CSMD3: variants seen among roughly 807,000 people sequenced by gnomAD.
CSMD3 encodes CUB and Sushi multiple domains 3.
Under a neutral mutation model 435.2 loss-of-function variants are expected in CSMD3, and 177 were observed. That is an observed-to-expected ratio of 0.41 (90% CI 0.36 to 0.46). The LOEUF is 0.46. Among genes scored for constraint, CSMD3 ranks in the 20% least tolerant of loss-of-function variants. The pLI is 0.34. For missense variants in CSMD3, 4,265 were observed against 4,504.6 expected (o/e 0.95, Z 1.52); for synonymous variants, 1,656 against 1,520.5 (o/e 1.09, Z -2.07).
chr8:112,323,849 T>A (rs2130888237), intron 45 of CSMD3, among the ~76,000 whole-genome samples: 1 of 152,168 alleles, frequency 6.6e-6, no homozygotes, highest in South Asian at 2.1e-4. Context: ...TTTACATGCC[T>A]CTTTCATTAA....
At position 113,431,980 on chromosome 8, in the gene CSMD3, C is replaced by T. The variant is rs141447660; in HGVS notation, c.178+4697G>A. ...TCATGAAGGGTAATAACTACTGGAA[C>T]GAAGCCTTTGCTCCTGGAGTACTTA... is the stretch of plus-strand genomic sequence containing the variant. On this transcript the variant is annotated intron_variant, in intron 1 of 70. Coordinates refer to ENST00000297405, the MANE Select transcript of CSMD3 (RefSeq NM_198123.2). Among the ~76,000 whole-genome samples, 44 of 152,246 alleles carry T rather than the reference C, an allele frequency of 2.9e-4. 1 individual carries two copies. The highest frequency in any genetic ancestry group is 9.9e-4 in the African/African-American group (41 of 41,540).
At chr8:112,732,876 A>G (rs889444077) in intron 13 of CSMD3, among the ~76,000 whole-genome samples, 2 of 152,160 alleles carry the variant, frequency 1.3e-5, no homozygotes, top group Non-Finnish European at 2.9e-5. Flanking sequence ...AAAAATTACC[A>G]GTGTAACCTA....
chr8:113,421,095 A>G lies in CSMD3; in HGVS notation c.178+15582T>C, dbSNP rs909359517. Reference sequence around the variant, plus strand: ...GAAAAAAACACGAAGAATACATAAGAAGATAATTTAAACAAATATGCTTTT... The same window carrying G: ...GAAAAAAACACGAAGAATACATAAGGAGATAATTTAAACAAATATGCTTTT... On this transcript the variant is annotated intron_variant, in intron 1 of 70. Coordinates refer to ENST00000297405, the MANE Select transcript of CSMD3 (RefSeq NM_198123.2). 3.9e-5 allele frequency among the ~76,000 whole-genome samples: 6 copies of G among 152,210 alleles called. No homozygotes were observed. The East Asian group carries it at 1.2e-3, about 29-fold the overall frequency.
At chr8:112,467,236 G>T (rs1426611561) in intron 32 of CSMD3, among the ~76,000 whole-genome samples, 4 of 152,126 alleles carry the variant, frequency 2.6e-5, no homozygotes, top group African/African-American at 9.7e-5. Context: ...CAGATTACTG[G>T]GGCAAATGTA....
intron 13 of CSMD3, among the ~76,000 whole-genome samples, chr8:112,794,813 G>A (rs941413558): frequency 2.6e-5 from 4 of 151,650 alleles, no homozygotes; most frequent in East Asian, 1.9e-4. Context: ...GTAAAATATC[G>A]GTATGCTATA....
intron 3 of CSMD3, among the ~76,000 whole-genome samples, chr8:113,212,258 A>G (rs2092845201): frequency 6.6e-6 from 1 of 152,162 alleles, no homozygotes; most frequent in Admixed American, 6.6e-5. Context: ...AAGTGAATAT[A>G]ATAAAATCTG....
At chr8:113,194,838 C>T (rs188201438) in intron 3 of CSMD3, among the ~76,000 whole-genome samples, 57 of 151,324 alleles carry the variant, frequency 3.8e-4, no homozygotes, top group Non-Finnish European at 7.0e-4. Context: ...CTATACCTAG[C>T]TTACAAACAA....
intron 69 of CSMD3, 132 bp downstream of exon 69, chr8:112,231,413 A>G: frequency 1.4e-6 from 1 of 709,944 alleles, no homozygotes; most frequent in African/African-American, 1.8e-5. Context: ...TATCAAAGGT[A>G]TCAATGCATA....
intron 13 of CSMD3, among the ~76,000 whole-genome samples, chr8:112,715,825 A>C (rs1055694558): frequency 2.0e-5 from 3 of 152,178 alleles, no homozygotes; most frequent in Non-Finnish European, 4.4e-5. Flanking sequence ...GACGAAAACC[A>C]CATGATTATT....
chr8:112,488,092 G>A (rs1183033044), intron 31 of CSMD3, among the ~76,000 whole-genome samples: 2 of 151,954 alleles, frequency 1.3e-5, no homozygotes, highest in Non-Finnish European at 2.9e-5. Flanking sequence ...CACTGAACAG[G>A]ACTTACCACA....
At chr8:112,820,921 T>G (rs1362114829) in intron 12 of CSMD3, among the ~76,000 whole-genome samples, 1 of 152,164 alleles carries the variant, frequency 6.6e-6, no homozygotes, top group Non-Finnish European at 1.5e-5. Flanking sequence ...TTCTGTTTCT[T>G]TCTTAGTTTG....
intron 13 of CSMD3, among the ~76,000 whole-genome samples, chr8:112,799,440 C>T (rs2078908898): frequency 6.6e-6 from 1 of 151,846 alleles, no homozygotes. Context: ...TTCTGATGAT[C>T]TCTTGTATAT....
In CSMD3 at chr8:113,242,685, T is replaced by A. The variant is rs554672848; in HGVS notation, c.514+35907A>T. On this transcript the variant is annotated intron_variant, in intron 3 of 70. Coordinates refer to ENST00000297405, the MANE Select transcript of CSMD3 (RefSeq NM_198123.2). Reference sequence around the variant, plus strand: ...TAATTGATTTTTGGTAACAAAGAAATGCACTTCAAGTATGCAATTTTTAAA... The same window carrying A: ...TAATTGATTTTTGGTAACAAAGAAAAGCACTTCAAGTATGCAATTTTTAAA... Among the ~76,000 whole-genome samples, 4 of 152,168 alleles carry A rather than the reference T, an allele frequency of 2.6e-5. No individual in the cohort carries two copies. The South Asian group carries it at 8.3e-4, about 32-fold the overall frequency.
chr8:112,469,313 T>C (rs959867721), intron 32 of CSMD3, among the ~76,000 whole-genome samples: 2 of 152,192 alleles, frequency 1.3e-5, no homozygotes, highest in South Asian at 4.1e-4. Context: ...ATATGGCATA[T>C]GTAAAATCAT....
At chr8:112,494,929 T>A (rs958332866) in intron 30 of CSMD3, among the ~76,000 whole-genome samples, 2 of 151,946 alleles carry the variant, frequency 1.3e-5, no homozygotes, top group Non-Finnish European at 2.9e-5. Context: ...AGCACACATA[T>A]ACACACACAC....
chr8:112,594,408 G>C (rs1831489893), intron 22 of CSMD3, among the ~76,000 whole-genome samples: 4 of 152,132 alleles, frequency 2.6e-5, no homozygotes, highest in South Asian at 2.1e-4. Flanking sequence ...AGCAGTCTGA[G>C]ATCAAACTGC....
chr8:113,070,003 T>C (rs1259754761), intron 5 of CSMD3, among the ~76,000 whole-genome samples: 1 of 152,108 alleles, frequency 6.6e-6, no homozygotes, highest in Admixed American at 6.6e-5. Flanking sequence ...GCCACTGAGA[T>C]GCTGGAGTTA....
At chr8:112,763,881 A>C (rs2077908379) in intron 13 of CSMD3, among the ~76,000 whole-genome samples, 1 of 151,248 alleles carries the variant, frequency 6.6e-6, no homozygotes, top group Non-Finnish European at 1.5e-5. Context: ...GCAACACATG[A>C]AATTCTTTAG....
intron 1 of CSMD3, among the ~76,000 whole-genome samples, chr8:113,408,826 A>G (rs2094544803): frequency 6.6e-6 from 1 of 151,834 alleles, no homozygotes; most frequent in Admixed American, 6.6e-5. Context: ...CACCACACCC[A>G]ACTAATTTTT....
Sources: allele counts gnomAD v4.1 joint callset (sites outside exome capture counted in the v4.1 genomes callset), GRCh38; gene constraint gnomAD v4.1.1; transcripts MANE v1.5; gene names NCBI Gene and HGNC (gene_info 2026-07-23, HGNC 2026-07-21).